GLRA3: variants seen among roughly 807,000 people sequenced by gnomAD.
GLRA3 encodes the protein glycine receptor alpha 3, also known as glycine receptor subunit alpha-3.
A neutral mutation model predicts 60.4 loss-of-function variants in GLRA3; 44 were observed. The observed-to-expected ratio is 0.73, with a 90% confidence interval of 0.57 to 0.94. The LOEUF is 0.94. Ranked by LOEUF, GLRA3 falls within the 40% of genes least tolerant of loss-of-function variation. The probability of loss-of-function intolerance (pLI) is 0.00; values close to 1 mark genes in which losing one functional copy is unlikely to be tolerated. For synonymous variants in GLRA3, 223 were observed against 192.9 expected, an observed-to-expected ratio of 1.16 and a Z score of -1.29; for missense variants, 508 against 564.6, an observed-to-expected ratio of 0.90 and a Z score of 1.02.
In GLRA3 at chr4:174,732,993, T is replaced by C. The variant is rs540776333; in HGVS notation, c.268-4295A>G. Among the ~76,000 whole-genome samples, 378 of 152,308 alleles carry C rather than the reference T, an allele frequency of 2.5e-3. 2 individuals carry two copies. The highest frequency in any genetic ancestry group is 8.7e-3 in the African/African-American group (361 of 41,556). On this transcript the variant is annotated intron_variant, in intron 3 of 9. Transcript: ENST00000274093. ...CTCTAAGTCTAGGTAAAGGATTCAA[T>C]AGTGTTTATGTTATTAAATTATACA... is the stretch of plus-strand genomic sequence containing the variant.
At chr4:174,786,353 C>T (rs1739129697) in intron 2 of GLRA3, among the ~76,000 whole-genome samples, 2 of 151,920 alleles carry the variant, frequency 1.3e-5, no homozygotes, top group South Asian at 2.1e-4. Flanking sequence ...AGAACAGGTT[C>T]TTCATTTTCT....
intron 3 of GLRA3, among the ~76,000 whole-genome samples, chr4:174,751,677 G>A (rs1193779736): frequency 1.3e-5 from 2 of 152,016 alleles, no homozygotes; most frequent in African/African-American, 4.8e-5. Flanking sequence ...ACTGAGTAAT[G>A]AGTACAGAAA....
intron 1 of GLRA3, among the ~76,000 whole-genome samples, chr4:174,822,216 T>C (rs1310543544): frequency 6.6e-6 from 1 of 152,194 alleles, no homozygotes; most frequent in Non-Finnish European, 1.5e-5. Context: ...CATTGCTCCA[T>C]ACATTATTAT....
intron 2 of GLRA3, among the ~76,000 whole-genome samples, chr4:174,787,219 G>A (rs1227031437): frequency 6.6e-6 from 1 of 151,984 alleles, no homozygotes; most frequent in Non-Finnish European, 1.5e-5. Context: ...CTGTTTATAT[G>A]CTTTTTAAAT....
At chr4:174,714,763 A>C (rs1268487574) in intron 5 of GLRA3, among the ~76,000 whole-genome samples, 1 of 152,212 alleles carries the variant, frequency 6.6e-6, no homozygotes, top group Non-Finnish European at 1.5e-5. Context: ...TATGAGATTA[A>C]ACACTGTAAA....
At chr4:174,670,680 TATCTCAAGTACAGAGAA>T (rs1313170363) in intron 7 of GLRA3, among the ~76,000 whole-genome samples, 1 of 152,200 alleles carries the variant, frequency 6.6e-6, no homozygotes, top group Non-Finnish European at 1.5e-5. Context: ...GCCCTGTCTC[TATCTCAAGTACAGAGAA>T]AATGCTTGAT....
Position 174,643,627 on chromosome 4 carries a change from T to A in GLRA3, c.*159A>T. 7.2e-7 allele frequency: 1 copy of A among 1,380,538 alleles called. No individual in the cohort carries two copies. Among genetic ancestry groups the A allele is most frequent in the Non-Finnish European group, 9.4e-7 (1 of 1,064,984 alleles). 85.5% of individuals were successfully genotyped at this position (1,380,538 alleles called of 1,614,324 possible). On this transcript the variant is annotated 3_prime_UTR_variant, in exon 10 of 10. Transcript: ENST00000274093. ...CATTAAAAGAATCTCATCTTTCTCA[T>A]GACTTTGCATAGCTAACCAAAATAC...
intron 4 of GLRA3, chr4:174,723,039 T>C (rs1201902038): frequency 6.0e-6 from 1 of 167,060 alleles, no homozygotes; most frequent in Non-Finnish European, 1.5e-5. Context: ...CTTCAAAATA[T>C]TAGAAGAAAT....
At position 174,800,601 on chromosome 4, in the gene GLRA3, A is replaced by ACC. The variant is rs113229816; in HGVS notation, c.72-11660_72-11659dup. The stretch of plus-strand genomic sequence containing the variant: ...CTTTTATTTGTATTGTTAAAACCAA[A>ACC]CCCCCCCCGCCAAAAAAACTTTCTT... On this transcript the variant is annotated intron_variant, in intron 1 of 9. Coordinates refer to ENST00000274093, the MANE Select transcript of GLRA3 (RefSeq NM_006529.4). Among the ~76,000 whole-genome samples, 11 of 146,254 alleles carry ACC rather than the reference A, an allele frequency of 7.5e-5. No individual in the cohort carries two copies. In the East Asian group the frequency reaches 2.2e-3, roughly 29 times the overall value.
chr4:174,734,018 T>TAGA (rs1736668260), intron 3 of GLRA3, among the ~76,000 whole-genome samples: 1 of 150,978 alleles, frequency 6.6e-6, no homozygotes, highest in South Asian at 2.1e-4. Context: ...CAATAGACTT[T>TAGA]CTTTTTTTTT....
chr4:174,798,390 A>C (rs931266443), intron 1 of GLRA3, among the ~76,000 whole-genome samples: 1 of 152,226 alleles, frequency 6.6e-6, no homozygotes, highest in Non-Finnish European at 1.5e-5. Context: ...CACAGTTTGA[A>C]AAATAAGATA....
At chr4:174,713,718 A>G (rs1735806571) in intron 5 of GLRA3, 2 of 152,124 alleles carry the variant, frequency 1.3e-5, no homozygotes. Context: ...TTTTCCAACA[A>G]CTTCTAAATG....
At chr4:174,691,528 T>C (rs1215206317) in intron 5 of GLRA3, among the ~76,000 whole-genome samples, 1 of 152,222 alleles carries the variant, frequency 6.6e-6, no homozygotes, top group Admixed American at 6.5e-5. Context: ...TGCCTGCGAT[T>C]GCAGGCGCGC....
At chr4:174,772,592 T>C (rs1219291563) in intron 2 of GLRA3, among the ~76,000 whole-genome samples, 1 of 152,164 alleles carries the variant, frequency 6.6e-6, no homozygotes, top group Non-Finnish European at 1.5e-5. Context: ...CACATATGCA[T>C]AAATAAGAAT....
intron 3 of GLRA3, among the ~76,000 whole-genome samples, chr4:174,734,792 A>G (rs534702787): frequency 9.6e-4 from 146 of 152,294 alleles, no homozygotes; most frequent in Non-Finnish European, 1.9e-3. Flanking sequence ...GCTGTATTCC[A>G]TTAAGAATAC....
chr4:174,788,316 G>A (rs778417643), intron 2 of GLRA3, among the ~76,000 whole-genome samples: 7 of 151,918 alleles, frequency 4.6e-5, no homozygotes, highest in Non-Finnish European at 1.0e-4. Flanking sequence ...TAAAACATTT[G>A]GTAGGTGCAA....
chr4:174,792,544 G>T (rs1192381364), intron 1 of GLRA3, among the ~76,000 whole-genome samples: 1 of 152,096 alleles, frequency 6.6e-6, no homozygotes, highest in Non-Finnish European at 1.5e-5. Context: ...CAGCCCATAC[G>T]TGTGGCCTTC....
intron 7 of GLRA3, among the ~76,000 whole-genome samples, chr4:174,669,739 C>T (rs72706139): frequency 1.8e-3 from 277 of 151,998 alleles, no homozygotes; most frequent in South Asian, 3.7e-3. Context: ...CCACACTTTG[C>T]TAATTAAAAA....
At chr4:174,713,260 G>C (rs1735790011) in intron 5 of GLRA3, among the ~76,000 whole-genome samples, 1 of 152,034 alleles carries the variant, frequency 6.6e-6, no homozygotes, top group Non-Finnish European at 1.5e-5. Flanking sequence ...AAAGAAAAGA[G>C]GCTCTCTTTT....
Sources: gnomAD v4.1 joint callset for allele counts (sites outside exome capture counted in the v4.1 genomes callset) on GRCh38, gnomAD v4.1.1 for gene constraint, MANE v1.5 for transcripts, NCBI Gene and HGNC (gene_info 2026-07-23, HGNC 2026-07-21) for gene names.